Variants in NDUFV3 observed in about 807,000 individuals in gnomAD.
The protein encoded by NDUFV3 is NADH:ubiquinone oxidoreductase subunit V3.
Under a neutral mutation model 37.5 loss-of-function variants are expected in NDUFV3, and 44 were observed. The observed-to-expected ratio is 1.17, with a 90% CI of 0.92 to 1.51. The LOEUF (loss-of-function observed/expected upper bound fraction) is 1.51. NDUFV3 is among the 40% of genes most tolerant of loss of function. The pLI is 0.00. For synonymous variants in NDUFV3, 235 were observed against 239.3 expected, an observed-to-expected ratio of 0.98 and a Z score of 0.17; for missense variants, 580 against 580.4, an observed-to-expected ratio of 1.00 and a Z score of 0.01.
intron 2 of NDUFV3, 89 bp from the exon 3 acceptor site, chr21:42,903,093 A>G (rs2058723716): frequency 1.3e-6 from 2 of 1,520,208 alleles, no homozygotes; most frequent in Non-Finnish European, 1.8e-6. Context: ...TACTGTCAGT[A>G]ATAAGTAATG....
rs2058694929 is a variant in NDUFV3 at position 42,896,986 on chromosome 21, G to A, written c.108G>A (p.Ala36=). The A allele has an allele frequency of 5.6e-6, 9 of 1,614,008 alleles. No individual in the cohort carries two copies. The highest frequency in any genetic ancestry group is 2.2e-5 in the South Asian group (2 of 91,088). ...RGLASTVSLS[A]ESGKSEKGQP... ...TTGCTTCTACGGTTTCTTTGTCTGC[G>A]GAATCAGGGAAGAGTGAAAAGGGTC... is the stretch of plus-strand genomic sequence containing the variant. The change falls in exon 2 of 4, where the codon GCG becomes GCA. Residue 36 remains alanine, a synonymous_variant. Transcript: ENST00000354250.
In NDUFV3 at chr21:42,912,638, A is replaced by G. The variant is rs9977524; in HGVS notation, c.*3617A>G. The G allele has an allele frequency of 0.19, 28,713 of 151,174 alleles. 3,694 individuals are homozygous for G. The highest frequency in any genetic ancestry group is 0.39 in the African/African-American group (15,807 of 40,784). The allele number at this position is 151,174 out of a possible 1,614,324, so 9.4% of individuals were successfully genotyped here. ...CCAGGTGCGGTGGCTCACGCCTGTA[A>G]TCCCAGCACTTTGGGAGGCTGAGGT... On this transcript the variant is annotated 3_prime_UTR_variant, in exon 4 of 4. Transcript: ENST00000354250.
In NDUFV3 at chr21:42,913,073, A is replaced by G. The variant is rs2058777593; in HGVS notation, c.*4052A>G. On this transcript the variant is annotated 3_prime_UTR_variant, in exon 4 of 4. Transcript: ENST00000354250. ...AGCAAGACTCCGTCTCAAAAAATAA[A>G]TTAATTAATTAAATTAAATAAGTGG... 6.6e-6 allele frequency: 1 copy of G among 152,126 alleles called. No individual in the cohort carries two copies. The allele number at this position is 152,126 out of a possible 1,614,324, so 9.4% of individuals were successfully genotyped here.
intron 3 of NDUFV3, chr21:42,906,931 TTAAAAA>T (rs1568861444): frequency 2.0e-6 from 1 of 507,484 alleles, no homozygotes; most frequent in Non-Finnish European, 3.9e-6. Context: ...TTAACGTAAC[TTAAAAA>T]TGAAAAACAG....
In NDUFV3 at chr21:42,903,944, T is replaced by C. The variant is rs776139847; in HGVS notation, c.932T>C (p.Val311Ala). The stretch of plus-strand genomic sequence containing the variant: ...CCGAAGGGCAGCCCAGCGCCTGCTG[T>C]GTTGGCAGAAGAGGCCAGAGCAGAG... Reference protein sequence around the residue: ...APPKGSPAPAVLAEEARAEGQ... With the variant: ...APPKGSPAPAALAEEARAEGQ... The change falls in exon 3 of 4, where the codon GTG (valine) becomes GCG (alanine). Residue 311 changes from valine to alanine, a missense_variant. Physicochemically the swap from Val to Ala is moderately conservative, Grantham distance 64. Coordinates refer to ENST00000354250, the MANE Select transcript of NDUFV3 (RefSeq NM_021075.4). 1.1e-5 allele frequency: 18 copies of C among 1,613,120 alleles called. No homozygotes were observed. In the African/African-American group the frequency reaches 2.3e-4, roughly 20 times the overall value.
chr21:42,912,735 AC>A lies in NDUFV3; in HGVS notation c.*3715del, dbSNP rs1445610247. ...GTGAAACCCCGTCTCTATTAAAAAT[AC>A]AAAAAATTAGCCGGGCATGGTAGCG... is the stretch of plus-strand genomic sequence containing the variant. On this transcript the variant is annotated 3_prime_UTR_variant, in exon 4 of 4. Coordinates refer to ENST00000354250, the MANE Select transcript of NDUFV3 (RefSeq NM_021075.4). 3 of 152,230 alleles carry A rather than the reference AC, an allele frequency of 2.0e-5. No individual in the cohort carries two copies. Among genetic ancestry groups the A allele is most frequent in the Admixed American group, 6.5e-5 (1 of 15,282 alleles). 9.4% of individuals were successfully genotyped at this position (152,230 alleles called of 1,614,324 possible). A position where few individuals can be genotyped will look rare whatever the true frequency, so the allele number is the denominator to read the frequency against.
At position 42,903,215 on chromosome 21, in the gene NDUFV3, T is replaced by TAGCC. The variant is rs2058724604; in HGVS notation, c.205_208dup (p.Thr70SerfsTer7). ...GAACCAAAGGAGAGGGGCAAGCTCC[T>TAGCC]AGCCACCCAGACAGCAGCTGAATTG... is the stretch of plus-strand genomic sequence containing the variant. On this transcript the variant is annotated frameshift_variant, in exon 3 of 4. Coordinates refer to ENST00000354250, the MANE Select transcript of NDUFV3 (RefSeq NM_021075.4). LOFTEE classifies it high-confidence loss of function. 5.6e-6 allele frequency: 9 copies of TAGCC among 1,614,074 alleles called. No individual in the cohort carries two copies. The highest frequency in any genetic ancestry group is 6.8e-6 in the Non-Finnish European group (8 of 1,180,046).
Position 42,896,983 on chromosome 21 carries a change from T to A in NDUFV3, c.105T>A (p.Ser35=), listed in dbSNP as rs2058694893. 1 of 1,613,934 alleles carries A rather than the reference T, an allele frequency of 6.2e-7. No individual in the cohort carries two copies. Among genetic ancestry groups the A allele is most frequent in the Non-Finnish European group, 8.5e-7 (1 of 1,180,024 alleles). The stretch of plus-strand genomic sequence containing the variant: ...GACTTGCTTCTACGGTTTCTTTGTC[T>A]GCGGAATCAGGGAAGAGTGAAAAGG... ...FRGLASTVSL[S]AESGKSEKGQ... The change falls in exon 2 of 4, where the codon TCT becomes TCA. Residue 35 remains serine (S), a synonymous_variant. Coordinates refer to ENST00000354250, the MANE Select transcript of NDUFV3 (RefSeq NM_021075.4).
chr21:42,913,265 G>C lies in NDUFV3; in HGVS notation c.*4244G>C, dbSNP rs2146173259. 6.8e-6 allele frequency: 1 copy of C among 147,718 alleles called. No individual in the cohort carries two copies. The highest frequency in any genetic ancestry group is 2.2e-4 in the South Asian group (1 of 4,620). The allele number at this position is 147,718 out of a possible 1,614,324, so 9.2% of individuals were successfully genotyped here. A position where few individuals can be genotyped will look rare whatever the true frequency, so the allele number is the denominator to read the frequency against. Reference sequence around the variant, plus strand: ...CCTTCTAGTGTAATTTTCACCCTTAGAGACCTGTCTGTAATAAACATTATT... The same window carrying C: ...CCTTCTAGTGTAATTTTCACCCTTACAGACCTGTCTGTAATAAACATTATT... On this transcript the variant is annotated 3_prime_UTR_variant, in exon 4 of 4. Transcript: ENST00000354250.
At chr21:42,894,108 G>C (rs983473461) in intron 1 of NDUFV3, among the ~76,000 whole-genome samples, 1 of 149,934 alleles carries the variant, frequency 6.7e-6, no homozygotes, top group Non-Finnish European at 1.5e-5. Context: ...CCAGCTACTC[G>C]GGAGGCTGAG....
At chr21:42,903,075 A>T (rs1365542542) in intron 2 of NDUFV3, 107 bp from the exon 3 acceptor site, 1 of 1,432,454 alleles carries the variant, frequency 7.0e-7, no homozygotes, top group Non-Finnish European at 9.6e-7. Context: ...GGATGATTGC[A>T]TTGAAGATAC....
chr21:42,894,429 A>ATATAATATAT, intron 1 of NDUFV3, among the ~76,000 whole-genome samples: 2 of 53,384 alleles, frequency 3.7e-5, no homozygotes, highest in South Asian at 8.5e-4. Context: ...TATTATATAA[A>ATATAATATAT]TATATATTAT....
rs1248752277 is a variant in NDUFV3, at chr21:42,909,684, ACTT to A, written c.*667_*669del. 2 of 152,132 alleles carry A rather than the reference ACTT, an allele frequency of 1.3e-5. No homozygotes were observed. The highest frequency in any genetic ancestry group is 4.8e-5 in the African/African-American group (2 of 41,272). 9.4% of individuals were successfully genotyped at this position (152,132 alleles called of 1,614,324 possible). ...GCTGAGTATCAATAATGTAATAGTG[ACTT>A]CTTTTATTTTTTTTGAGATGGAGTC... On this transcript the variant is annotated 3_prime_UTR_variant, in exon 4 of 4. Coordinates refer to ENST00000354250, the MANE Select transcript of NDUFV3 (RefSeq NM_021075.4).
In NDUFV3 at chr21:42,903,204, G is replaced by A. The variant is rs768095807; in HGVS notation, c.192G>A (p.Arg64=). 6.2e-7 allele frequency: 1 copy of A among 1,614,076 alleles called. No homozygotes were observed. ...CAGATGTAGTGGAACCAAAGGAGAGGGGCAAGCTCCTAGCCACCCAGACAG... is the reference window on the plus strand; with the variant it reads ...CAGATGTAGTGGAACCAAAGGAGAGAGGCAAGCTCCTAGCCACCCAGACAG... ...PPKNVVEPKE[R]GKLLATQTAA... Residue 64 remains arginine (R), a synonymous_variant, in exon 3 of 4, where the codon AGG becomes AGA. Transcript: ENST00000354250.
rs369370281 is a variant in NDUFV3, at chr21:42,905,443, T to C, written c.1264+1167T>C. ...TTCCCCTGGACAGCGTTTCCTTCTCTGGTTAACTGAAAACACATGTGGGCT... is the reference window on the plus strand; with the variant it reads ...TTCCCCTGGACAGCGTTTCCTTCTCCGGTTAACTGAAAACACATGTGGGCT... On this transcript the variant is annotated intron_variant, in intron 3 of 3. Coordinates refer to ENST00000354250, the MANE Select transcript of NDUFV3 (RefSeq NM_021075.4). Among the ~76,000 whole-genome samples the C allele has an allele frequency of 1.4e-4, 21 of 152,344 alleles. 1 individual carries two copies. In the South Asian group the frequency reaches 1.9e-3, roughly 14 times the overall value.
At chr21:42,895,989 T>C (rs1039984859) in intron 1 of NDUFV3, among the ~76,000 whole-genome samples, 66 of 147,392 alleles carry the variant, frequency 4.5e-4, no homozygotes, top group African/African-American at 1.5e-3. Flanking sequence ...TTTTTCTTTT[T>C]TTTTTTTTTT....
intron 2 of NDUFV3, 21 bp from the exon 3 acceptor site, chr21:42,903,161 C>G: frequency 6.2e-7 from 1 of 1,614,056 alleles, no homozygotes; most frequent in Non-Finnish European, 8.5e-7. Context: ...AAATAACATT[C>G]CTCTTTATGC....
At chr21:42,904,307 C>CCTGT (rs771765868) in intron 3 of NDUFV3, 31 bp downstream of exon 3, 5 of 1,564,704 alleles carry the variant, frequency 3.2e-6, no homozygotes, top group Non-Finnish European at 4.3e-6. Context: ...CCAAGTGCAC[C>CCTGT]CTGTCCCTTA....
At chr21:42,894,511 T>A (rs1323271838) in intron 1 of NDUFV3, among the ~76,000 whole-genome samples, 76 of 64,234 alleles carry the variant, frequency 1.2e-3, no homozygotes, top group African/African-American at 5.6e-3. Flanking sequence ...TAATATATAT[T>A]TATATATTAT....
Sources: gnomAD v4.1 joint callset for allele counts (sites outside exome capture counted in the v4.1 genomes callset) on GRCh38, gnomAD v4.1.1 for gene constraint, MANE v1.5 for transcripts, NCBI Gene and HGNC (gene_info 2026-07-23, HGNC 2026-07-21) for gene names.